The following SLC9A9 variants were observed in gnomAD, a reference collection of about 807,000 sequenced individuals.
SLC9A9 encodes the protein sodium/hydrogen exchanger 9.
In SLC9A9, 62 loss-of-function variants were observed where a neutral mutation model predicts 77.8. The observed-to-expected ratio is 0.80, with a 90% CI of 0.65 to 0.98. The LOEUF is 0.98. Among genes scored for constraint, SLC9A9 ranks in the 50% least tolerant of loss-of-function variants. SLC9A9 has a pLI of 0.00. For missense variants in SLC9A9, 775 were observed against 774.9 expected, an observed-to-expected ratio of 1.00 and a Z score of 0.00; for synonymous variants, 320 against 283.5, an observed-to-expected ratio of 1.13 and a Z score of -1.29.
intron 4 of SLC9A9, among the ~76,000 whole-genome samples, chr3:143,765,606 A>G (rs1339138755): frequency 6.6e-6 from 1 of 152,232 alleles, no homozygotes; most frequent in Non-Finnish European, 1.5e-5. Context: ...GCTCTCTGTG[A>G]CAAATATAAA....
At chr3:143,834,946 T>A (rs1022302922) in intron 1 of SLC9A9, among the ~76,000 whole-genome samples, 5 of 152,112 alleles carry the variant, frequency 3.3e-5, no homozygotes, top group African/African-American at 9.7e-5. Flanking sequence ...CTGGAATCCA[T>A]CACCACTTTC....
intron 6 of SLC9A9, among the ~76,000 whole-genome samples, chr3:143,632,848 T>C (rs944634920): frequency 6.6e-6 from 1 of 152,194 alleles, no homozygotes. Flanking sequence ...TCCACAAACA[T>C]GGACACAATT....
At chr3:143,566,648 G>T (rs559781763) in intron 8 of SLC9A9, among the ~76,000 whole-genome samples, 31 of 152,132 alleles carry the variant, frequency 2.0e-4, no homozygotes, top group Admixed American at 5.9e-4. Context: ...GAGAAAATGA[G>T]ATATGCCAGT....
intron 6 of SLC9A9, among the ~76,000 whole-genome samples, chr3:143,583,959 C>T (rs2037497571): frequency 6.6e-6 from 1 of 151,624 alleles, no homozygotes; most frequent in South Asian, 2.1e-4. Context: ...TAGTAAAGTG[C>T]TCAATAAATG....
intron 14 of SLC9A9, among the ~76,000 whole-genome samples, chr3:143,327,128 C>G (rs1277714886): frequency 6.6e-6 from 1 of 152,092 alleles, no homozygotes; most frequent in Non-Finnish European, 1.5e-5. Context: ...TCAACTAGAA[C>G]TAACTTGTAG....
intron 12 of SLC9A9, among the ~76,000 whole-genome samples, chr3:143,450,030 T>C (rs1339497707): frequency 9.1e-6 from 1 of 110,018 alleles, no homozygotes; most frequent in Non-Finnish European, 1.7e-5. Context: ...ATATAATATA[T>C]ATACATATAT....
At chr3:143,329,618 G>C (rs536871147) in intron 14 of SLC9A9, among the ~76,000 whole-genome samples, 32 of 152,306 alleles carry the variant, frequency 2.1e-4, no homozygotes, top group African/African-American at 7.5e-4. Context: ...GCTGCAGTCC[G>C]CCCATCGTCT....
intron 4 of SLC9A9, among the ~76,000 whole-genome samples, chr3:143,794,792 G>T (rs779090362): frequency 6.6e-6 from 1 of 152,192 alleles, no homozygotes; most frequent in Non-Finnish European, 1.5e-5. Flanking sequence ...AACTCACAGA[G>T]AAAGTCCAGC....
chr3:143,290,406 A>G (rs1029020302), intron 14 of SLC9A9, among the ~76,000 whole-genome samples: 1 of 152,232 alleles, frequency 6.6e-6, no homozygotes, highest in Non-Finnish European at 1.5e-5. Flanking sequence ...TTTGCTAAAT[A>G]AGTGAGCACA....
intron 8 of SLC9A9, among the ~76,000 whole-genome samples, chr3:143,559,872 T>C (rs1024015863): frequency 1.3e-5 from 2 of 152,172 alleles, no homozygotes; most frequent in Non-Finnish European, 2.9e-5. Flanking sequence ...GCATTGAAAA[T>C]AGTGAGTTCG....
At chr3:143,309,041 G>A (rs908019966) in intron 14 of SLC9A9, among the ~76,000 whole-genome samples, 6 of 152,140 alleles carry the variant, frequency 3.9e-5, no homozygotes, top group African/African-American at 1.4e-4. Flanking sequence ...ACATGAGCAA[G>A]GTCTTCATGT....
intron 11 of SLC9A9, 125 bp downstream of exon 11, chr3:143,493,528 G>A: frequency 1.3e-6 from 1 of 789,396 alleles, no homozygotes; most frequent in South Asian, 1.5e-5. Flanking sequence ...TCAGCATAGT[G>A]TTAGGTACAA....
intron 4 of SLC9A9, among the ~76,000 whole-genome samples, chr3:143,753,409 T>C (rs1400360461): frequency 6.6e-6 from 1 of 152,202 alleles, no homozygotes; most frequent in Non-Finnish European, 1.5e-5. Context: ...TTGCAAGGCA[T>C]ACAGAGCTCC....
intron 4 of SLC9A9, among the ~76,000 whole-genome samples, chr3:143,756,817 G>T (rs181628396): frequency 6.6e-6 from 1 of 152,146 alleles, no homozygotes; most frequent in Admixed American, 6.6e-5. Context: ...TCCATTCTTT[G>T]GTTTATCCAA....
intron 4 of SLC9A9, among the ~76,000 whole-genome samples, chr3:143,708,245 T>C (rs555988169): frequency 3.2e-4 from 49 of 152,274 alleles, no homozygotes; most frequent in African/African-American, 1.1e-3. Flanking sequence ...CCCATTCAGT[T>C]TGAAAGGGGA....
intron 4 of SLC9A9, among the ~76,000 whole-genome samples, chr3:143,785,975 G>T (rs1178269700): frequency 6.7e-6 from 1 of 148,224 alleles, no homozygotes; most frequent in Non-Finnish European, 1.5e-5. Flanking sequence ...TCCTGCCTCA[G>T]CCTCCCATGT....
intron 6 of SLC9A9, among the ~76,000 whole-genome samples, chr3:143,579,477 A>G (rs1415758672): frequency 3.3e-5 from 5 of 152,160 alleles, no homozygotes; most frequent in Non-Finnish European, 5.9e-5. Context: ...AGGGCCTCAG[A>G]TCCCAGAGTG....
intron 4 of SLC9A9, among the ~76,000 whole-genome samples, chr3:143,724,891 C>T (rs139529349): frequency 5.9e-5 from 9 of 152,192 alleles, no homozygotes; most frequent in African/African-American, 2.2e-4. Flanking sequence ...CCAGGAGAGC[C>T]TTTCAGTGTC....
chr3:143,524,553 A>G lies in SLC9A9; in HGVS notation c.1089+27809T>C, dbSNP rs189972392. On this transcript the variant is annotated intron_variant, in intron 9 of 15. Coordinates refer to ENST00000316549, the MANE Select transcript of SLC9A9 (RefSeq NM_173653.4). The stretch of plus-strand genomic sequence containing the variant: ...TGACAGTACTAAAATCAGCTTATGC[A>G]TATTTTTTTGAAATAAGGCCCTATA... 2.5e-4 allele frequency among the ~76,000 whole-genome samples: 38 copies of G among 152,308 alleles called. No homozygotes were observed. The East Asian group carries it at 6.6e-3, about 26-fold the overall frequency.
Sources: allele counts gnomAD v4.1 joint callset (sites outside exome capture counted in the v4.1 genomes callset), GRCh38; gene constraint gnomAD v4.1.1; transcripts MANE v1.5; gene names NCBI Gene and HGNC (gene_info 2026-07-23, HGNC 2026-07-21).